TPD52: variants seen among roughly 807,000 people sequenced by gnomAD.
The protein encoded by TPD52 is prostate and colon associated protein.
TPD52 carries 17 observed loss-of-function variants against 31.3 expected under a neutral mutation model. The observed-to-expected ratio is 0.54, with a 90% CI of 0.37 to 0.82. The LOEUF (loss-of-function observed/expected upper bound fraction) is 0.82, where lower values mean the gene tolerates loss of function less well. TPD52 is among the 40% of genes least tolerant of loss of function. The pLI, the probability that TPD52 is intolerant of heterozygous loss-of-function variation, is 0.00. For missense variants in TPD52, 212 were observed against 240.1 expected (o/e 0.88, Z 0.77); for synonymous variants, 83 against 89.6 (o/e 0.93, Z 0.42).
intron 2 of TPD52, among the ~76,000 whole-genome samples, chr8:80,059,248 C>T (rs1319585150): frequency 1.3e-5 from 2 of 151,918 alleles, no homozygotes; most frequent in African/African-American, 2.4e-5. Context: ...TTAGAAAACA[C>T]CTTGAAATGA....
intron 1 of TPD52, among the ~76,000 whole-genome samples, chr8:80,124,702 G>A (rs938280368): frequency 6.6e-6 from 1 of 152,214 alleles, no homozygotes; most frequent in East Asian, 1.9e-4. Flanking sequence ...CACTCTAGGG[G>A]AGAAAGAATT....
chr8:80,062,301 A>T (rs1407994347), intron 2 of TPD52, among the ~76,000 whole-genome samples: 3 of 152,206 alleles, frequency 2.0e-5, no homozygotes, highest in Non-Finnish European at 4.4e-5. Flanking sequence ...TTTAACAAGG[A>T]TGCCACGAGC....
At chr8:80,120,379 C>T (rs138883955) in intron 1 of TPD52, among the ~76,000 whole-genome samples, 3,228 of 152,070 alleles carry the variant, frequency 0.021, 122 homozygotes, top group African/African-American at 0.074. Context: ...ATCCCAGCTA[C>T]TCAGGAGGGT....
chr8:80,032,994 G>GC (rs1809729525), downstream of TPD52: 1 of 152,532 alleles, frequency 6.6e-6, no homozygotes, highest in Non-Finnish European at 1.5e-5. Flanking sequence ...GGGTGCGTGA[G>GC]CAAGTGAGTG....
At chr8:80,044,783 G>A (rs1455811548) in intron 5 of TPD52, among the ~76,000 whole-genome samples, 1 of 152,148 alleles carries the variant, frequency 6.6e-6, no homozygotes, top group East Asian at 1.9e-4. Context: ...TAAAATGATT[G>A]TATTCTGCTA....
At chr8:80,095,946 C>CTACATACATACATACATACATACA (rs35841969) in intron 1 of TPD52, among the ~76,000 whole-genome samples, 271 of 150,502 alleles carry the variant, frequency 1.8e-3, no homozygotes, top group African/African-American at 6.2e-3. Flanking sequence ...GACTCCATCT[C>CTACATACATACATACATACATACA]TACATACATA....
intron 5 of TPD52, among the ~76,000 whole-genome samples, chr8:80,047,156 CCCAGGAGGACAGTGCAGGCT>C (rs1810944469): frequency 6.6e-6 from 1 of 152,138 alleles, no homozygotes; most frequent in South Asian, 2.1e-4. Context: ...TCTGGGGAGG[CCCAGGAGGACAGTGCAGGCT>C]CCAGGACTAG....
chr8:80,077,394 TG>T (rs1319150659), intron 1 of TPD52, among the ~76,000 whole-genome samples: 1 of 152,130 alleles, frequency 6.6e-6, no homozygotes, highest in Non-Finnish European at 1.5e-5. Flanking sequence ...ACCCCAGCTG[TG>T]AGACCCTGGT....
At chr8:80,120,217 C>G (rs952647440) in intron 1 of TPD52, among the ~76,000 whole-genome samples, 2 of 152,116 alleles carry the variant, frequency 1.3e-5, no homozygotes, top group South Asian at 4.1e-4. Context: ...AGGCTGGACG[C>G]GGTGGCTCAT....
At chr8:80,099,969 T>C (rs1806616639) in intron 1 of TPD52, among the ~76,000 whole-genome samples, 1 of 152,226 alleles carries the variant, frequency 6.6e-6, no homozygotes, top group African/African-American at 2.4e-5. Flanking sequence ...GGCCCAATGA[T>C]ACAACAAATA....
chr8:80,147,640 C>T (rs1189888735), intron 1 of TPD52, among the ~76,000 whole-genome samples: 1 of 152,170 alleles, frequency 6.6e-6, no homozygotes, highest in Non-Finnish European at 1.5e-5. Flanking sequence ...CAGCTCCCAG[C>T]CCCCACCATC....
intron 6 of TPD52, among the ~76,000 whole-genome samples, chr8:80,043,270 A>T (rs1346712368): frequency 6.6e-6 from 1 of 152,130 alleles, no homozygotes; most frequent in Non-Finnish European, 1.5e-5. Flanking sequence ...CCCACAGGAC[A>T]TTCATTCATC....
intron 2 of TPD52, among the ~76,000 whole-genome samples, chr8:80,063,142 T>C (rs977931492): frequency 2.0e-5 from 3 of 151,940 alleles, no homozygotes; most frequent in Non-Finnish European, 2.9e-5. Context: ...AGGTGAAAAA[T>C]CACCCAAATG....
At chr8:80,117,017 G>C (rs145333747) in intron 1 of TPD52, among the ~76,000 whole-genome samples, 2,545 of 152,238 alleles carry the variant, frequency 0.017, 74 homozygotes, top group African/African-American at 0.057. Flanking sequence ...GTTTGATAAA[G>C]GGTGTCTATG....
chr8:80,121,333 G>A (rs1253197406), intron 1 of TPD52, among the ~76,000 whole-genome samples: 1 of 152,100 alleles, frequency 6.6e-6, no homozygotes, highest in Non-Finnish European at 1.5e-5. Flanking sequence ...GGAGCCCCCA[G>A]TAAACATGAA....
intron 1 of TPD52, among the ~76,000 whole-genome samples, chr8:80,109,540 G>A (rs1807363550): frequency 6.6e-6 from 1 of 152,090 alleles, no homozygotes; most frequent in African/African-American, 2.4e-5. Flanking sequence ...CTGAGTAGCT[G>A]GGATTACAGG....
In TPD52 at chr8:80,163,248, T is replaced by C. The variant is rs78205603; in HGVS notation, c.19+8177A>G. Among the ~76,000 whole-genome samples the C allele has an allele frequency of 4.3e-4, 65 of 152,124 alleles. No homozygotes were observed. In the East Asian group the frequency reaches 0.012, roughly 27 times the overall value. ...TTAATTTCCACTGATAGATAAATAA[T>C]AAAGAAAATGTAGTACATACATACA... On this transcript the variant is annotated intron_variant, in intron 1 of 7. Transcript: ENST00000518937.
intron 5 of TPD52, among the ~76,000 whole-genome samples, chr8:80,049,911 T>C (rs1811195905): frequency 6.6e-6 from 1 of 152,040 alleles, no homozygotes; most frequent in Middle Eastern, 3.2e-3. Context: ...AAAACAAGTA[T>C]TAAAAAGTGC....
chr8:80,152,681 T>C (rs1810657205), intron 1 of TPD52, among the ~76,000 whole-genome samples: 1 of 148,904 alleles, frequency 6.7e-6, no homozygotes, highest in Admixed American at 6.9e-5. Context: ...CTCGGGAGGC[T>C]GAGGCAAGAG....
Sources: allele counts gnomAD v4.1 joint callset (sites outside exome capture counted in the v4.1 genomes callset), GRCh38; gene constraint gnomAD v4.1.1; transcripts MANE v1.5; gene names NCBI Gene and HGNC (gene_info 2026-07-23, HGNC 2026-07-21).